Variants in FHIP1A observed in about 807,000 individuals in gnomAD.
FHIP1A encodes the protein FHF complex subunit HOOK-interacting protein 1A.
In FHIP1A, 61 loss-of-function variants were observed where a neutral mutation model predicts 88.6. That is an observed-to-expected ratio of 0.69 (90% CI 0.56 to 0.85). The LOEUF (loss-of-function observed/expected upper bound fraction) is 0.85, where lower values mean the gene tolerates loss of function less well. FHIP1A is among the 40% of genes least tolerant of loss of function. The pLI is 0.00. For synonymous variants in FHIP1A, 478 were observed against 496.0 expected (o/e 0.96, Z 0.48); for missense variants, 1,154 against 1,273.5 (o/e 0.91, Z 1.43).
At chr4:151,653,245 C>T (rs1033203618) in intron 11 of FHIP1A, among the ~76,000 whole-genome samples, 1 of 152,054 alleles carries the variant, frequency 6.6e-6, no homozygotes, top group African/African-American at 2.4e-5. Context: ...TGTGCAACAC[C>T]CTAGCAATCT....
At chr4:151,478,094 G>A (rs1174653131) in intron 2 of FHIP1A, among the ~76,000 whole-genome samples, 1 of 152,058 alleles carries the variant, frequency 6.6e-6, no homozygotes, top group African/African-American at 2.4e-5. Context: ...ATGGCTAAAG[G>A]TTGGAAACAA....
chr4:151,657,898 T>C (rs1435797015), intron 13 of FHIP1A, among the ~76,000 whole-genome samples: 1 of 152,220 alleles, frequency 6.6e-6, no homozygotes, highest in Non-Finnish European at 1.5e-5. Flanking sequence ...TTGCTTTACC[T>C]CACAGGCCCA....
intron 7 of FHIP1A, among the ~76,000 whole-genome samples, chr4:151,602,227 T>A (rs888537136): frequency 1.3e-5 from 2 of 152,090 alleles, no homozygotes; most frequent in African/African-American, 4.8e-5. Context: ...AAATCAAATA[T>A]AAGTGTGTTC....
intron 1 of FHIP1A, among the ~76,000 whole-genome samples, chr4:151,444,092 G>T (rs943895771): frequency 8.5e-5 from 13 of 152,080 alleles, no homozygotes; most frequent in Non-Finnish European, 1.9e-4. Flanking sequence ...TTGGAGAGCA[G>T]CTTTCCCCCG....
At chr4:151,461,239 G>A (rs1729132224) in intron 2 of FHIP1A, among the ~76,000 whole-genome samples, 2 of 152,168 alleles carry the variant, frequency 1.3e-5, no homozygotes, top group African/African-American at 4.8e-5. Context: ...GGGAGGTGAA[G>A]AGATGTTTAG....
intron 2 of FHIP1A, among the ~76,000 whole-genome samples, chr4:151,478,588 A>G (rs538458025): frequency 6.6e-6 from 1 of 152,266 alleles, no homozygotes; most frequent in South Asian, 2.1e-4. Flanking sequence ...CTTGGAGGTT[A>G]TCAATACTAG....
intron 4 of FHIP1A, among the ~76,000 whole-genome samples, chr4:151,567,387 A>G (rs945827766): frequency 2.0e-5 from 3 of 151,876 alleles, no homozygotes; most frequent in Admixed American, 6.6e-5. Flanking sequence ...AGCAAAATCA[A>G]TTCTGCTTCT....
At chr4:151,648,203 C>A (rs930284332) in intron 10 of FHIP1A, among the ~76,000 whole-genome samples, 41 of 152,220 alleles carry the variant, frequency 2.7e-4, no homozygotes, top group African/African-American at 9.6e-4. Flanking sequence ...CTTTCTTGGG[C>A]AAATTACTTA....
At chr4:151,427,555 T>C (rs1392920419) in intron 1 of FHIP1A, among the ~76,000 whole-genome samples, 2 of 152,128 alleles carry the variant, frequency 1.3e-5, no homozygotes, top group Non-Finnish European at 2.9e-5. Context: ...CTTTTTGTGG[T>C]ATATGTGTTC....
chr4:151,452,927 C>T (rs530853808), intron 1 of FHIP1A, among the ~76,000 whole-genome samples: 55 of 140,702 alleles, frequency 3.9e-4, no homozygotes, highest in Non-Finnish European at 7.0e-4. Context: ...TGTCTGCAGA[C>T]ATTGAAACGT....
chr4:151,488,285 A>G (rs1730156112), intron 3 of FHIP1A, among the ~76,000 whole-genome samples: 1 of 152,030 alleles, frequency 6.6e-6, no homozygotes, highest in Non-Finnish European at 1.5e-5. Flanking sequence ...GGTAGTGAGC[A>G]TAGTACCCAA....
intron 9 of FHIP1A, among the ~76,000 whole-genome samples, chr4:151,645,653 T>C (rs1034386350): frequency 2.0e-5 from 3 of 151,624 alleles, no homozygotes; most frequent in African/African-American, 7.3e-5. Context: ...AATTGGCTCC[T>C]GCACACATAT....
At chr4:151,608,894 AG>A (rs1735185230) in intron 7 of FHIP1A, among the ~76,000 whole-genome samples, 1 of 152,228 alleles carries the variant, frequency 6.6e-6, no homozygotes, top group Admixed American at 6.5e-5. Flanking sequence ...TAGTATCTAA[AG>A]GCGAGTAGTG....
At chr4:151,604,552 A>T (rs1459685354) in intron 7 of FHIP1A, among the ~76,000 whole-genome samples, 1 of 152,204 alleles carries the variant, frequency 6.6e-6, no homozygotes, top group Non-Finnish European at 1.5e-5. Flanking sequence ...TTACCAATTT[A>T]AAAATGAATT....
chr4:151,425,115 A>G (rs1485739461), intron 1 of FHIP1A, among the ~76,000 whole-genome samples: 3 of 152,226 alleles, frequency 2.0e-5, no homozygotes, highest in Non-Finnish European at 2.9e-5. Context: ...AATTGGATAC[A>G]ATAGGTTCTG....
At chr4:151,451,957 A>G (rs1728806742) in intron 1 of FHIP1A, among the ~76,000 whole-genome samples, 1 of 151,582 alleles carries the variant, frequency 6.6e-6, no homozygotes, top group Admixed American at 6.6e-5. Flanking sequence ...AGTAGCTGGG[A>G]CCACACACAC....
intron 7 of FHIP1A, among the ~76,000 whole-genome samples, chr4:151,592,508 C>A (rs1734478445): frequency 6.6e-6 from 1 of 152,178 alleles, no homozygotes. Flanking sequence ...ATTTGCATTT[C>A]TCTAATGACC....
chr4:151,514,207 G>C lies in FHIP1A; in HGVS notation c.-123+31559G>C, dbSNP rs545266651. On this transcript the variant is annotated intron_variant, in intron 3 of 13. Coordinates refer to ENST00000435205, the MANE Select transcript of FHIP1A (RefSeq NM_001109977.3). ...ACAACTTGCTCCTGAATGACTACTGGGTACATAACGAAATGAAGGCAGAAA... is the reference window on the plus strand; with the variant it reads ...ACAACTTGCTCCTGAATGACTACTGCGTACATAACGAAATGAAGGCAGAAA... 2.4e-3 allele frequency among the ~76,000 whole-genome samples: 363 copies of C among 152,118 alleles called. 1 individual carries two copies. The highest frequency in any genetic ancestry group is 8.4e-3 in the African/African-American group (348 of 41,462).
At chr4:151,646,320 TGAA>T (rs1334821795) in intron 9 of FHIP1A, among the ~76,000 whole-genome samples, 1 of 152,184 alleles carries the variant, frequency 6.6e-6, no homozygotes, top group Non-Finnish European at 1.5e-5. Context: ...GTTTAAGAGA[TGAA>T]GAAGTTCCTG....
Sources: gnomAD v4.1 joint callset for allele counts (sites outside exome capture counted in the v4.1 genomes callset) on GRCh38, gnomAD v4.1.1 for gene constraint, MANE v1.5 for transcripts, NCBI Gene and HGNC (gene_info 2026-07-23, HGNC 2026-07-21) for gene names.